The following NAALADL2 variants were observed in gnomAD, a reference collection of about 807,000 sequenced individuals.
The protein encoded by NAALADL2 is inactive N-acetylated-alpha-linked acidic dipeptidase-like protein 2.
A neutral mutation model predicts 87.2 loss-of-function variants in NAALADL2; 76 were observed. The observed-to-expected ratio is 0.87, with a 90% CI of 0.72 to 1.05. NAALADL2 has a LOEUF of 1.05. Among genes scored for constraint, NAALADL2 ranks in the 50% least tolerant of loss-of-function variants. The pLI is 0.00. For missense variants in NAALADL2, 1,089 were observed against 945.8 expected (o/e 1.15, Z -1.99); for synonymous variants, 354 against 331.0 (o/e 1.07, Z -0.75).
chr3:175,738,184 T>C (rs888780363), intron 12 of NAALADL2, among the ~76,000 whole-genome samples: 2 of 152,182 alleles, frequency 1.3e-5, no homozygotes, highest in Admixed American at 6.5e-5. Flanking sequence ...GCTGAAACAG[T>C]AATCCTTTGA....
intron 4 of NAALADL2, among the ~76,000 whole-genome samples, chr3:175,270,540 A>G (rs1752677293): frequency 6.6e-6 from 1 of 152,232 alleles, no homozygotes; most frequent in African/African-American, 2.4e-5. Flanking sequence ...TGGTGAAACC[A>G]CAGGGCAATT....
chr3:174,899,545 T>C (rs1183814062), intron 1 of NAALADL2, among the ~76,000 whole-genome samples: 1 of 152,174 alleles, frequency 6.6e-6, no homozygotes, highest in Admixed American at 6.5e-5. Flanking sequence ...CAAGGTGATG[T>C]GTCTGCTTCC....
At chr3:175,523,622 TA>T (rs1166654872) in intron 9 of NAALADL2, among the ~76,000 whole-genome samples, 1 of 152,250 alleles carries the variant, frequency 6.6e-6, no homozygotes, top group Non-Finnish European at 1.5e-5. Context: ...ATGGTGAGCG[TA>T]CACTTGGACA....
Position 175,808,366 on chromosome 3 carries a change from A to G in NAALADL2, c.*5163A>G, listed in dbSNP as rs987834218. On this transcript the variant is annotated 3_prime_UTR_variant, in exon 14 of 14. Coordinates refer to ENST00000454872, the MANE Select transcript of NAALADL2 (RefSeq NM_207015.3). ...TTTTGTTTGAATTATACAATTACAT[A>G]ATTTTCTGTAACCAAAATGGTAATT... is the stretch of plus-strand genomic sequence containing the variant. 6 of 151,930 alleles carry G rather than the reference A, an allele frequency of 3.9e-5. No individual in the cohort carries two copies. The highest frequency in any genetic ancestry group is 7.4e-5 in the Non-Finnish European group (5 of 67,932). The allele number at this position is 151,930 out of a possible 1,614,324, so 9.4% of individuals were successfully genotyped here.
intron 1 of NAALADL2, among the ~76,000 whole-genome samples, chr3:174,999,146 C>A (rs1579944679): frequency 6.6e-6 from 1 of 152,004 alleles, no homozygotes. Flanking sequence ...AGAAGTGGAA[C>A]AAAATAACAT....
intron 3 of NAALADL2, among the ~76,000 whole-genome samples, chr3:174,841,939 TAATC>T (rs1724067560): frequency 6.6e-6 from 1 of 152,162 alleles, no homozygotes; most frequent in Admixed American, 6.5e-5. Flanking sequence ...GTTAAACAAT[TAATC>T]GTTATATGTA....
intron 3 of NAALADL2, among the ~76,000 whole-genome samples, chr3:174,852,839 G>A (rs939774517): frequency 6.6e-6 from 1 of 151,938 alleles, no homozygotes; most frequent in Non-Finnish European, 1.5e-5. Flanking sequence ...GCAACAGCAT[G>A]GTACTGTCAT....
At chr3:174,932,751 T>TA (rs1737106110) in intron 1 of NAALADL2, among the ~76,000 whole-genome samples, 2 of 152,210 alleles carry the variant, frequency 1.3e-5, no homozygotes, top group Non-Finnish European at 2.9e-5. Context: ...TTTAGTTTTG[T>TA]GACTATGATT....
At chr3:174,765,007 C>G (rs1367864504) in intron 3 of NAALADL2, among the ~76,000 whole-genome samples, 1 of 150,656 alleles carries the variant, frequency 6.6e-6, no homozygotes, top group East Asian at 1.9e-4. Flanking sequence ...GTTTTTTTTT[C>G]TATTTCTGTG....
chr3:175,160,644 G>A (rs1449216991), intron 2 of NAALADL2, among the ~76,000 whole-genome samples: 1 of 151,832 alleles, frequency 6.6e-6, no homozygotes, highest in Non-Finnish European at 1.5e-5. Context: ...GAGCCACTGT[G>A]CCTAGCATGT....
intron 4 of NAALADL2, among the ~76,000 whole-genome samples, chr3:175,295,751 T>C (rs77263900): frequency 7.2e-6 from 1 of 138,922 alleles, no homozygotes; most frequent in Non-Finnish European, 1.6e-5. Context: ...ACACACTCCC[T>C]CTCTCTCTCT....
intron 9 of NAALADL2, among the ~76,000 whole-genome samples, chr3:175,522,786 T>C (rs1732831991): frequency 6.6e-6 from 1 of 152,240 alleles, no homozygotes; most frequent in African/African-American, 2.4e-5. Context: ...GTTATTTTGA[T>C]TTTGATTATG....
intron 13 of NAALADL2, among the ~76,000 whole-genome samples, chr3:175,786,700 C>T (rs891470045): frequency 2.0e-5 from 3 of 152,154 alleles, no homozygotes; most frequent in Non-Finnish European, 4.4e-5. Flanking sequence ...TCTCTCATCT[C>T]GTCAAAGTCA....
At chr3:174,521,260 C>A (rs1406735626) in intron 1 of NAALADL2, among the ~76,000 whole-genome samples, 1 of 152,146 alleles carries the variant, frequency 6.6e-6, no homozygotes, top group African/African-American at 2.4e-5. Flanking sequence ...ACCTAAGTGT[C>A]CATCAACAGT....
intron 3 of NAALADL2, among the ~76,000 whole-genome samples, chr3:175,244,481 A>G (rs577399994): frequency 7.2e-5 from 11 of 152,272 alleles, no homozygotes; most frequent in Non-Finnish European, 1.3e-4. Flanking sequence ...ACCAACCGAG[A>G]TACTGTCACG....
In NAALADL2 at chr3:174,709,704, G is replaced by T. The variant is rs114888814; in HGVS notation, c.-114-27937G>T. 9.4e-3 allele frequency among the ~76,000 whole-genome samples: 1,434 copies of T among 152,200 alleles called. 16 individuals are homozygous for T. Among genetic ancestry groups the T allele is most frequent in the Non-Finnish European group, 0.015 (1,027 of 67,994 alleles). On this transcript the variant is annotated intron_variant, in intron 2 of 3. Coordinates refer to the NAALADL2 transcript ENST00000434257. Reference sequence around the variant, plus strand: ...AAATCTTGATATATTAGCGATTCTGGTAAGCTTTAATATTATTTGCAGAAA... The same window carrying T: ...AAATCTTGATATATTAGCGATTCTGTTAAGCTTTAATATTATTTGCAGAAA...
intron 1 of NAALADL2, among the ~76,000 whole-genome samples, chr3:174,924,218 C>T (rs1296943996): frequency 2.5e-5 from 3 of 120,494 alleles, no homozygotes; most frequent in East Asian, 6.3e-4. Flanking sequence ...CCCCTCCCCC[C>T]ACCCCACAAC....
In NAALADL2 at chr3:175,627,272, C is replaced by A. The variant is rs1560875017; in HGVS notation, c.1801-19C>A. 2 of 1,529,266 alleles carry A rather than the reference C, an allele frequency of 1.3e-6. No homozygotes were observed. Among genetic ancestry groups the A allele is most frequent in the South Asian group, 1.2e-5 (1 of 81,430 alleles). 94.7% of individuals were successfully genotyped at this position (1,529,266 alleles called of 1,614,324 possible). ...AATCGATAAAGAGTTTTAAATGTTTCTTTTTTGATTTGCCGCAGGGTCCAA... is the reference window on the plus strand; with the variant it reads ...AATCGATAAAGAGTTTTAAATGTTTATTTTTTGATTTGCCGCAGGGTCCAA... On this transcript the variant is annotated intron_variant, in intron 10 of 13. Coordinates refer to ENST00000454872, the MANE Select transcript of NAALADL2 (RefSeq NM_207015.3).
At chr3:175,385,573 G>A (rs1028046330) in intron 5 of NAALADL2, among the ~76,000 whole-genome samples, 7 of 152,166 alleles carry the variant, frequency 4.6e-5, no homozygotes, top group East Asian at 1.9e-4. Flanking sequence ...TTAGCAAAGC[G>A]AATATAGTTA....
Sources: gnomAD v4.1 joint callset for allele counts (sites outside exome capture counted in the v4.1 genomes callset) on GRCh38, gnomAD v4.1.1 for gene constraint, MANE v1.5 for transcripts, NCBI Gene and HGNC (gene_info 2026-07-23, HGNC 2026-07-21) for gene names.